SPG11: variants seen among roughly 807,000 people sequenced by gnomAD.
SPG11 encodes the protein SPG11 vesicle trafficking associated, spatacsin.
In SPG11, 222 loss-of-function variants were observed where a neutral mutation model predicts 274.0. That is an observed-to-expected ratio of 0.81 (90% CI 0.73 to 0.91). The LOEUF is 0.91. Ranked by LOEUF, SPG11 falls within the 40% of genes least tolerant of loss-of-function variation. The pLI, the probability that SPG11 is intolerant of heterozygous loss-of-function variation, is 0.00. For missense variants in SPG11, 3,114 were observed against 2,872.7 expected (o/e 1.08, Z -1.92); for synonymous variants, 1,144 against 1,039.7 (o/e 1.10, Z -1.93).
intron 36 of SPG11, among the ~76,000 whole-genome samples, 200 bp from the exon 37 acceptor site, chr15:44,566,505 C>A (rs2082312058): frequency 6.6e-6 from 1 of 152,178 alleles, no homozygotes; most frequent in Non-Finnish European, 1.5e-5. Context: ...GATTCAGTGC[C>A]CCTTCTAATG....
At chr15:44,640,706 C>T (rs562939757) in intron 7 of SPG11, among the ~76,000 whole-genome samples, 95 of 152,256 alleles carry the variant, frequency 6.2e-4, no homozygotes, top group Non-Finnish European at 1.0e-3. Flanking sequence ...CAAGACATTT[C>T]AGATCAGCAG....
intron 27 of SPG11, among the ~76,000 whole-genome samples, chr15:44,589,701 C>T (rs1194680810): frequency 2.0e-5 from 3 of 152,208 alleles, no homozygotes; most frequent in Non-Finnish European, 4.4e-5. Flanking sequence ...AGACTGAATG[C>T]TAACTACAGA....
rs779031089 is a variant in SPG11, at chr15:44,648,879, A to G, written c.1589T>C (p.Ile530Thr). ...LNGWGRCSIP[I>T]HALEAGIENR... is the part of the protein sequence containing the mutation. ...TAATTCTGTTACCTCTAGTGCATGTATGGGAATTGAGCACCTTCCCCAGCC... is the reference window on the plus strand; with the variant it reads ...TAATTCTGTTACCTCTAGTGCATGTGTGGGAATTGAGCACCTTCCCCAGCC... The change falls in exon 7 of 40, where the codon ATA becomes ACA. Residue 530 changes from isoleucine to threonine, a missense_variant. Transcript: ENST00000261866. 5 of 1,613,992 alleles carry G rather than the reference A, an allele frequency of 3.1e-6. No homozygotes were observed. The East Asian group carries it at 6.7e-5, about 22-fold the overall frequency.
chr15:44,629,763 G>A (rs1041528989), intron 8 of SPG11, among the ~76,000 whole-genome samples: 3 of 152,102 alleles, frequency 2.0e-5, no homozygotes, highest in African/African-American at 7.2e-5. Context: ...TAACTTGCCC[G>A]AGCTAATTTA....
intron 3 of SPG11, among the ~76,000 whole-genome samples, 153 bp downstream of exon 3, chr15:44,658,926 A>C (rs889374746): frequency 6.6e-6 from 1 of 152,264 alleles, no homozygotes; most frequent in African/African-American, 2.4e-5. Context: ...TAGTATTTTA[A>C]GTTTATGAGG....
At chr15:44,629,594 T>G (rs1278002227) in intron 8 of SPG11, among the ~76,000 whole-genome samples, 2 of 152,252 alleles carry the variant, frequency 1.3e-5, no homozygotes, top group Non-Finnish European at 2.9e-5. Flanking sequence ...TTTACTGATA[T>G]CACTGCTATT....
At chr15:44,637,244 T>G (rs919785571) in intron 7 of SPG11, among the ~76,000 whole-genome samples, 4 of 152,164 alleles carry the variant, frequency 2.6e-5, no homozygotes, top group African/African-American at 7.2e-5. Context: ...TAAGAAGGAT[T>G]GAGCAAAGTG....
At chr15:44,626,580 A>C (rs948230928) in intron 10 of SPG11, 73 bp from the exon 11 acceptor site, 2 of 1,454,142 alleles carry the variant, frequency 1.4e-6, no homozygotes, top group Non-Finnish European at 1.9e-6. Context: ...ATGGGATTAT[A>C]CATTTATGTA....
intron 6 of SPG11, 43 bp downstream of exon 6, chr15:44,651,448 A>C (rs771863416): frequency 1.3e-6 from 2 of 1,545,964 alleles, no homozygotes; most frequent in Non-Finnish European, 1.8e-6. Flanking sequence ...AGGAAAGCAT[A>C]CATCTCAGCA....
intron 7 of SPG11, among the ~76,000 whole-genome samples, chr15:44,646,904 CTG>C (rs2084627558): frequency 6.6e-6 from 1 of 152,086 alleles, no homozygotes; most frequent in Non-Finnish European, 1.5e-5. Flanking sequence ...ATGAAATAAT[CTG>C]TACACCAAAC....
chr15:44,563,711 G>A (rs1461676105), intron 39 of SPG11, among the ~76,000 whole-genome samples: 1 of 151,888 alleles, frequency 6.6e-6, no homozygotes, highest in Non-Finnish European at 1.5e-5. Context: ...GTTTTTCAGA[G>A]TGTGAACTCC....
At chr15:44,603,257 T>C (rs527568303) in intron 20 of SPG11, among the ~76,000 whole-genome samples, 4 of 152,230 alleles carry the variant, frequency 2.6e-5, no homozygotes, top group Admixed American at 1.3e-4. Context: ...TTATCTTCTA[T>C]ACCCGGCTAA....
intron 10 of SPG11, 76 bp from the exon 11 acceptor site, chr15:44,626,583 T>C: frequency 2.1e-6 from 3 of 1,422,342 alleles, no homozygotes; most frequent in Non-Finnish European, 2.9e-6. Flanking sequence ...GGATTATACA[T>C]TTATGTAACA....
rs868425227 is a variant in SPG11, at chr15:44,565,840, G to A, written c.6999+14C>T. ...ATGCTAGCAGTGCTGGCTACAGTTT[G>A]CTTTCTTGCTCACCTGGTAGAACCG... On this transcript the variant is annotated intron_variant, in intron 38 of 39. Transcript: ENST00000261866. The A allele has an allele frequency of 6.2e-7, 1 of 1,613,992 alleles. No individual in the cohort carries two copies. Among genetic ancestry groups the A allele is most frequent in the Middle Eastern group, 1.7e-4 (1 of 6,056 alleles).
intron 11 of SPG11, among the ~76,000 whole-genome samples, 154 bp from the exon 12 acceptor site, chr15:44,622,953 T>C (rs372926287): frequency 2.0e-4 from 30 of 152,328 alleles, no homozygotes; most frequent in African/African-American, 7.2e-4. Context: ...ATTTCCCTAC[T>C]TTCTTTTTTC....
Position 44,595,374 on chromosome 15 carries a change from T to A in SPG11, c.4520A>T (p.Gln1507Leu). Residue 1507 changes from glutamine (Q) to leucine (L), a missense_variant, in exon 26 of 40, where the codon CAG becomes CTG. Physicochemically the swap from Gln to Leu is moderately radical, Grantham distance 113. Transcript: ENST00000261866. ...NVATEAMGHI[Q>L]DSTEDHTWNL... is the part of the protein sequence containing the mutation. ...CCAGGTATGGTCCTCTGTTGAGTCC[T>A]GAATGTGTCCCATTGCTTCAGTTGC... is the stretch of plus-strand genomic sequence containing the variant. The A allele has an allele frequency of 6.2e-7, 1 of 1,614,220 alleles. No individual in the cohort carries two copies. Among genetic ancestry groups the A allele is most frequent in the East Asian group, 2.2e-5 (1 of 44,882 alleles).
chr15:44,661,794 G>A (rs2085116057), intron 1 of SPG11, among the ~76,000 whole-genome samples: 1 of 152,062 alleles, frequency 6.6e-6, no homozygotes, highest in Non-Finnish European at 1.5e-5. Context: ...CAAGATATAT[G>A]ATGTAATTTC....
intron 24 of SPG11, 124 bp downstream of exon 24, chr15:44,596,660 C>CAAAGAA (rs2083048654): frequency 5.0e-6 from 1 of 200,828 alleles, no homozygotes; most frequent in East Asian, 1.6e-4. Context: ...GTATCCTGGT[C>CAAAGAA]AAAAAAAAAA....
At chr15:44,593,944 A>G (rs1271163123) in intron 26 of SPG11, among the ~76,000 whole-genome samples, 1 of 127,788 alleles carries the variant, frequency 7.8e-6, no homozygotes, top group Non-Finnish European at 1.7e-5. Context: ...TTTTTTTTGT[A>G]TTTTTAGTAG....
Sources: gnomAD v4.1 joint callset for allele counts (sites outside exome capture counted in the v4.1 genomes callset) on GRCh38, gnomAD v4.1.1 for gene constraint, MANE v1.5 for transcripts, NCBI Gene and HGNC (gene_info 2026-07-23, HGNC 2026-07-21) for gene names.